NKD1: variants seen among roughly 807,000 people sequenced by gnomAD.
NKD1 encodes the protein protein naked cuticle homolog 1.
In NKD1, 21 loss-of-function variants were observed where a neutral mutation model predicts 56.0. The ratio of observed to expected loss-of-function variants is 0.38; its 90% CI spans 0.27 to 0.54. The LOEUF (loss-of-function observed/expected upper bound fraction) is 0.54, where lower values mean the gene tolerates loss of function less well. NKD1 is among the 20% of genes least tolerant of loss of function. The pLI is 0.82. For synonymous variants in NKD1, 263 were observed against 265.7 expected (o/e 0.99, Z 0.10); for missense variants, 578 against 642.7 (o/e 0.90, Z 1.09).
At position 50,621,586 on chromosome 16, in the gene NKD1, C is replaced by A; in HGVS notation, c.260-16C>A. On this transcript the variant is annotated splice_polypyrimidine_tract_variant and intron_variant, in intron 4 of 9. Transcript: ENST00000268459. ...GGACCCTGCTCCTAATGCTCCCTCGCCTGCCTCCCCGACAGTGGCCCTGCC... is the reference window on the plus strand; with the variant it reads ...GGACCCTGCTCCTAATGCTCCCTCGACTGCCTCCCCGACAGTGGCCCTGCC... 1 of 1,601,736 alleles carries A rather than the reference C, an allele frequency of 6.2e-7. No individual in the cohort carries two copies. The highest frequency in any genetic ancestry group is 8.5e-7 in the Non-Finnish European group (1 of 1,169,880).
intron 3 of NKD1, among the ~76,000 whole-genome samples, chr16:50,599,854 T>A (rs574098204): frequency 9.2e-5 from 14 of 152,334 alleles, no homozygotes; most frequent in African/African-American, 3.4e-4. Context: ...TCAGGGAGCA[T>A]TCTGGGTGAT....
intron 4 of NKD1, among the ~76,000 whole-genome samples, chr16:50,614,411 C>T (rs562312557): frequency 9.2e-5 from 14 of 152,150 alleles, no homozygotes; most frequent in African/African-American, 3.1e-4. Flanking sequence ...CATTCACACA[C>T]ATGTCTCGCT....
At chr16:50,590,416 G>T (rs900793010) in intron 3 of NKD1, among the ~76,000 whole-genome samples, 2 of 152,360 alleles carry the variant, frequency 1.3e-5, no homozygotes, top group African/African-American at 2.4e-5. Flanking sequence ...TTTAGAAACA[G>T]TCATCCTTCT....
chr16:50,615,535 A>G (rs1229044213), intron 4 of NKD1, among the ~76,000 whole-genome samples: 2 of 152,184 alleles, frequency 1.3e-5, no homozygotes, highest in African/African-American at 4.8e-5. Context: ...GCAGAGCTGG[A>G]AAGAGTGTTC....
At chr16:50,572,051 T>C (rs1332766365) in intron 3 of NKD1, among the ~76,000 whole-genome samples, 1 of 152,220 alleles carries the variant, frequency 6.6e-6, no homozygotes, top group African/African-American at 2.4e-5. Flanking sequence ...TGCTTCCCAG[T>C]ACTCTCCCTT....
At position 50,633,165 on chromosome 16, in the gene NKD1, T is replaced by A. The variant is rs773615778; in HGVS notation, c.824-27T>A. ...AGCCCCAGCACACAGTAGGTGCTCA[T>A]TAAATGTCTGTTGAATTGGTTCCTA... is the stretch of plus-strand genomic sequence containing the variant. On this transcript the variant is annotated intron_variant, in intron 9 of 9. Coordinates refer to ENST00000268459, the MANE Select transcript of NKD1 (RefSeq NM_033119.5). The surrounding 1 kb of genome is among the most constrained non-coding windows in gnomAD (Gnocchi z 4.9). The A allele has an allele frequency of 5.1e-6, 8 of 1,575,692 alleles. No homozygotes were observed. In the East Asian group the frequency reaches 1.8e-4, roughly 35 times the overall value.
In NKD1 at chr16:50,625,514, G is replaced by A. The variant is rs201259952; in HGVS notation, c.396G>A (p.Glu132=). The part of the protein sequence containing the change: ...EELQCDVSME[E]DSRQEWTFTL... ...TCCAGTGCGACGTGTCCATGGAGGA[G>A]GACAGCCGGCAGGAGTGGACCTTCA... is the stretch of plus-strand genomic sequence containing the variant. The change falls in exon 6 of 10, where the codon GAG becomes GAA. Residue 132 remains glutamate (E), a synonymous_variant. Transcript: ENST00000268459. 2.5e-6 allele frequency: 4 copies of A among 1,613,872 alleles called. No homozygotes were observed. Among genetic ancestry groups the A allele is most frequent in the South Asian group, 2.2e-5 (2 of 91,082 alleles).
chr16:50,552,173 T>G (rs1054830903), intron 3 of NKD1: 2 of 152,252 alleles, frequency 1.3e-5, no homozygotes, highest in African/African-American at 4.8e-5. Context: ...CCAACTAGTA[T>G]TATTGTTATT....
chr16:50,625,282 A>AG, intron 5 of NKD1: 1 of 593,744 alleles, frequency 1.7e-6, no homozygotes, highest in Non-Finnish European at 3.0e-6. Flanking sequence ...ATCCCTCCCC[A>AG]GGCCAAACCT....
At chr16:50,609,019 C>G (rs996537237) in intron 4 of NKD1, among the ~76,000 whole-genome samples, 4 of 152,228 alleles carry the variant, frequency 2.6e-5, no homozygotes, top group African/African-American at 9.6e-5. Context: ...GAGATGGGGT[C>G]TTACTATGTT....
At chr16:50,589,722 CTCTTCTCTTCTCTTCTCTT>C in intron 3 of NKD1, among the ~76,000 whole-genome samples, 1 of 68,802 alleles carries the variant, frequency 1.5e-5, no homozygotes, top group African/African-American at 6.3e-5. Flanking sequence ...CTCTTCTCTT[CTCTTCTCTTCTCTTCTCTT>C]CTCTTCTCTT....
intron 3 of NKD1, among the ~76,000 whole-genome samples, chr16:50,550,795 C>T (rs1021845917): frequency 6.6e-5 from 10 of 152,074 alleles, no homozygotes; most frequent in Non-Finnish European, 8.8e-5. Context: ...TAAAGGCCAA[C>T]GAAAACGGTC....
chr16:50,573,733 G>A, intron 3 of NKD1: 1 of 821,790 alleles, frequency 1.2e-6, no homozygotes, highest in Non-Finnish European at 1.5e-6. Context: ...GTGTCTCTGT[G>A]TATTAGAATA....
intron 4 of NKD1, among the ~76,000 whole-genome samples, chr16:50,612,738 T>C (rs923062696): frequency 1.3e-5 from 2 of 152,034 alleles, no homozygotes; most frequent in Non-Finnish European, 2.9e-5. Flanking sequence ...ACTTGGTGTT[T>C]GGGGAAGAAC....
At chr16:50,557,554 A>G (rs890675153) in intron 3 of NKD1, 1 of 152,250 alleles carries the variant, frequency 6.6e-6, no homozygotes, top group Non-Finnish European at 1.5e-5. Flanking sequence ...TTGTAAAATC[A>G]GGAATAATTA....
At chr16:50,565,622 G>A (rs1292855476) in intron 3 of NKD1, among the ~76,000 whole-genome samples, 1 of 152,168 alleles carries the variant, frequency 6.6e-6, no homozygotes, top group African/African-American at 2.4e-5. Context: ...CCAGGAGTTC[G>A]AGGCTGCAGT....
intron 1 of NKD1, 49 bp from the exon 2 acceptor site, chr16:50,548,668 C>G: frequency 6.8e-7 from 1 of 1,465,688 alleles, no homozygotes; most frequent in Non-Finnish European, 9.0e-7. Flanking sequence ...TTTCCTTCTC[C>G]CGCCGCCGCG....
chr16:50,576,011 G>A (rs958157336), intron 3 of NKD1, among the ~76,000 whole-genome samples: 3 of 152,200 alleles, frequency 2.0e-5, no homozygotes, highest in South Asian at 2.1e-4. Context: ...TGCCAAGGTG[G>A]AGAAACCCTG....
intron 6 of NKD1, among the ~76,000 whole-genome samples, chr16:50,625,819 C>T (rs1253911387): frequency 7.1e-6 from 1 of 140,440 alleles, no homozygotes; most frequent in Non-Finnish European, 1.6e-5. Context: ...AGCCCAGGCA[C>T]TGTCCCTCCC....
Sources: allele counts gnomAD v4.1 joint callset (sites outside exome capture counted in the v4.1 genomes callset), GRCh38; gene constraint gnomAD v4.1.1; non-coding constraint Gnocchi (gnomAD v3.1); transcripts MANE v1.5; gene names NCBI Gene and HGNC (gene_info 2026-07-23, HGNC 2026-07-21).